NAV1: variants seen among roughly 807,000 people sequenced by gnomAD.
NAV1 encodes the protein pore membrane and/or filament interacting like protein 3.
In NAV1, 18 loss-of-function variants were observed where a neutral mutation model predicts 175.2. The ratio of observed to expected loss-of-function variants is 0.10; its 90% CI spans 0.07 to 0.15. The LOEUF is 0.15. Ranked by LOEUF, NAV1 falls within the 10% of genes least tolerant of loss-of-function variation. The pLI, the probability that NAV1 is intolerant of heterozygous loss-of-function variation, is 1.00. For synonymous variants in NAV1, 897 were observed against 978.7 expected, an observed-to-expected ratio of 0.92 and a Z score of 1.56; for missense variants, 1,731 against 2,436.6, an observed-to-expected ratio of 0.71 and a Z score of 6.10.
chr1:201,628,159 G>A lies in NAV1; in HGVS notation c.-100-1245G>A, dbSNP rs529610010. ...GTGTCAAAAAAAAAAAAAAAAAAGAGAGACAGTAGTACATGGCGATTGTCC... is the reference window on the plus strand; with the variant it reads ...GTGTCAAAAAAAAAAAAAAAAAAGAAAGACAGTAGTACATGGCGATTGTCC... On this transcript the variant is annotated intron_variant, in intron 1 of 29. Coordinates refer to the NAV1 transcript ENST00000367302. 1.9e-3 allele frequency among the ~76,000 whole-genome samples: 290 copies of A among 149,226 alleles called. 3 individuals are homozygous for A. The South Asian group carries it at 0.03, about 15-fold the overall frequency.
At position 201,540,667 on chromosome 1, in the gene NAV1, G is replaced by A. The variant is rs554158164; in HGVS notation, c.-144+1325G>A. 7.9e-5 allele frequency among the ~76,000 whole-genome samples: 12 copies of A among 152,270 alleles called. 1 individual carries two copies. The South Asian group carries it at 2.3e-3, about 29-fold the overall frequency. ...TTGACTTTTTGTTGGTGTGTCTTTGGGATTGACCTAAGAAGGGAGACAGAG... is the reference window on the plus strand; with the variant it reads ...TTGACTTTTTGTTGGTGTGTCTTTGAGATTGACCTAAGAAGGGAGACAGAG... On this transcript the variant is annotated intron_variant, in intron 1 of 33. Transcript: ENST00000685211.
At chr1:201,793,700 C>G (rs541639451) in intron 13 of NAV1, 92 bp from the exon 18 acceptor site, 3 of 1,113,040 alleles carry the variant, frequency 2.7e-6, no homozygotes, top group Middle Eastern at 2.0e-4. Flanking sequence ...CTCCGAGATA[C>G]AGGAAATCAG....
chr1:201,730,586 G>A (rs1672812396), intron 3 of NAV1, among the ~76,000 whole-genome samples: 1 of 152,202 alleles, frequency 6.6e-6, no homozygotes. Flanking sequence ...AGCAATGTAG[G>A]TTCTCAGGCC....
At chr1:201,684,952 ACT>A (rs1406205791) in intron 1 of NAV1, among the ~76,000 whole-genome samples, 2 of 122,358 alleles carry the variant, frequency 1.6e-5, no homozygotes, top group African/African-American at 6.7e-5. Flanking sequence ...ACAGAGCAAG[ACT>A]CTGTCTCAAA....
chr1:201,683,199 A>G (rs1670533184), intron 1 of NAV1, among the ~76,000 whole-genome samples: 3 of 152,192 alleles, frequency 2.0e-5, no homozygotes, highest in Admixed American at 1.3e-4. Context: ...TATTTTGCAG[A>G]ATGTCCTGCA....
At chr1:201,649,527 G>T in intron 1 of NAV1, 102 bp downstream of exon 5, 1 of 1,424,900 alleles carries the variant, frequency 7.0e-7, no homozygotes, top group Non-Finnish European at 9.1e-7. Flanking sequence ...GCGCCTTCCC[G>T]GAGGGCCCTC....
At chr1:201,544,868 A>C (rs1398897962) in intron 1 of NAV1, among the ~76,000 whole-genome samples, 1 of 152,136 alleles carries the variant, frequency 6.6e-6, no homozygotes, top group Non-Finnish European at 1.5e-5. Flanking sequence ...ATGTGTCCCC[A>C]TGTTTTTTCA....
chr1:201,811,900 C>T lies in NAV1; in HGVS notation c.4953-3C>T, dbSNP rs759662507. 8 of 1,614,112 alleles carry T rather than the reference C, an allele frequency of 5.0e-6. No individual in the cohort carries two copies. The South Asian group carries it at 7.7e-5, about 16-fold the overall frequency. ...TGAATCTTTTTCCCCTTTCTCCCTA[C>T]AGTCCCTATATTATAGGTACCACCA... On this transcript the variant is annotated splice_region_variant and splice_polypyrimidine_tract_variant and intron_variant, in intron 25 of 29. Coordinates refer to ENST00000367296, the Ensembl canonical transcript of NAV1.
chr1:201,584,776 T>A (rs1292802181), intron 1 of NAV1, among the ~76,000 whole-genome samples: 1 of 152,234 alleles, frequency 6.6e-6, no homozygotes, highest in Non-Finnish European at 1.5e-5. Context: ...TTCTGGCTCT[T>A]TCACTCAGTT....
chr1:201,580,201 A>G (rs1029329157), intron 1 of NAV1, among the ~76,000 whole-genome samples: 1 of 152,208 alleles, frequency 6.6e-6, no homozygotes, highest in African/African-American at 2.4e-5. Flanking sequence ...TTGGGTGAAG[A>G]CAGATCTTCC....
At chr1:201,622,645 T>A (rs931914386), upstream of NAV1, among the ~76,000 whole-genome samples, 2 of 152,066 alleles carry the variant, frequency 1.3e-5, no homozygotes, top group Non-Finnish European at 2.9e-5. Flanking sequence ...ATGAGCCTCA[T>A]AACAGCTTTT....
chr1:201,748,423 A>C (rs2102586882), intron 3 of NAV1, among the ~76,000 whole-genome samples: 1 of 152,236 alleles, frequency 6.6e-6, no homozygotes, highest in South Asian at 2.1e-4. Flanking sequence ...AGGGAGATGG[A>C]ATCTGGGCTG....
intron 3 of NAV1, among the ~76,000 whole-genome samples, chr1:201,733,803 C>T (rs564251522): frequency 6.6e-6 from 1 of 152,094 alleles, no homozygotes; most frequent in Non-Finnish European, 1.5e-5. Context: ...GTGGCTGAAG[C>T]AGAGTTAGCA....
intron 1 of NAV1, among the ~76,000 whole-genome samples, chr1:201,710,424 T>C (rs1671857176): frequency 6.6e-6 from 1 of 152,118 alleles, no homozygotes; most frequent in South Asian, 2.1e-4. Context: ...GTAGCTAGTA[T>C]TACAGGCTTG....
chr1:201,794,004 A>G, intron 14 of NAV1, 129 bp downstream of exon 18: 1 of 769,634 alleles, frequency 1.3e-6, no homozygotes, highest in South Asian at 1.5e-5. Context: ...GTCACCCTGG[A>G]TTCTCAATCT....
At chr1:201,693,811 G>A (rs932523360) in intron 1 of NAV1, among the ~76,000 whole-genome samples, 1 of 152,232 alleles carries the variant, frequency 6.6e-6, no homozygotes, top group Non-Finnish European at 1.5e-5. Flanking sequence ...AAAAATGTCT[G>A]TAGAGGGTCT....
At chr1:201,663,654 G>A (rs1051513511) in intron 1 of NAV1, among the ~76,000 whole-genome samples, 2 of 152,206 alleles carry the variant, frequency 1.3e-5, no homozygotes, top group African/African-American at 4.8e-5. Context: ...GGAGGAACGA[G>A]GCCAAGACAT....
At chr1:201,558,458 G>A (rs1666100472) in intron 1 of NAV1, among the ~76,000 whole-genome samples, 1 of 152,016 alleles carries the variant, frequency 6.6e-6, no homozygotes, top group African/African-American at 2.4e-5. Flanking sequence ...GGTGTTTTTT[G>A]TTTGTTTGTT....
chr1:201,648,422 TC>T (rs1669054756), exon 1 of NAV1: 4 of 1,184,616 alleles, frequency 3.4e-6, no homozygotes, highest in Non-Finnish European at 4.2e-6. Flanking sequence ...GCCCTATCGC[TC>T]CCCGGCTTCC....
Sources: allele counts gnomAD v4.1 joint callset (sites outside exome capture counted in the v4.1 genomes callset), GRCh38; gene constraint gnomAD v4.1.1; transcripts MANE v1.5; gene names NCBI Gene and HGNC (gene_info 2026-07-23, HGNC 2026-07-21).